Variants in ITGA6 observed in about 807,000 individuals in gnomAD.
The protein encoded by ITGA6 is integrin subunit alpha 6, also known as integrin alpha-6.
In ITGA6, 63 loss-of-function variants were observed where a neutral mutation model predicts 133.6. The ratio of observed to expected loss-of-function variants is 0.47; its 90% CI spans 0.38 to 0.58. ITGA6 has a LOEUF of 0.58. ITGA6 is among the 20% of genes least tolerant of loss of function. ITGA6 has a pLI of 0.00. For missense variants in ITGA6, 1,068 were observed against 1,309.4 expected (o/e 0.82, Z 2.85); for synonymous variants, 434 against 482.0 (o/e 0.90, Z 1.30).
intron 1 of ITGA6, among the ~76,000 whole-genome samples, chr2:172,432,756 G>A (rs1463192243): frequency 6.6e-6 from 1 of 152,162 alleles, no homozygotes; most frequent in Non-Finnish European, 1.5e-5. Flanking sequence ...CAGAAATACA[G>A]GCTGACCTAC....
In ITGA6 at chr2:172,497,583, T is replaced by C. The variant is rs1264846039; in HGVS notation, c.2989-392T>C. ...TAGAACAGACTGGCTGTTAGATCTA[T>C]TTAACTGGGTATCTTTTTGAGAGCA... On this transcript the variant is annotated intron_variant, in intron 23 of 25. Transcript: ENST00000684293. Among the ~76,000 whole-genome samples the C allele has an allele frequency of 2.6e-5, 4 of 152,228 alleles. No homozygotes were observed. The South Asian group carries it at 8.3e-4, about 32-fold the overall frequency.
chr2:172,432,930 C>T (rs1024893504), intron 1 of ITGA6, among the ~76,000 whole-genome samples: 1 of 152,128 alleles, frequency 6.6e-6, no homozygotes, highest in South Asian at 2.1e-4. Flanking sequence ...GAATTGATAG[C>T]GGCAGGTTTA....
rs1046195515 is a variant in ITGA6 at position 172,506,082 on chromosome 2, T to G, written c.*2014T>G. ...GTCATCTCAAGTCAAGTCACTGGTC[T>G]GTTTGCATTTGATACATTTTTGTAC... On this transcript the variant is annotated 3_prime_UTR_variant, in exon 26 of 26. Coordinates refer to ENST00000684293, the MANE Select transcript of ITGA6 (RefSeq NM_000210.4). 3.3e-5 allele frequency: 5 copies of G among 152,688 alleles called. No individual in the cohort carries two copies. The highest frequency in any genetic ancestry group is 1.2e-4 in the African/African-American group (5 of 41,476). The allele number at this position is 152,688 out of a possible 1,614,324, so 9.5% of individuals were successfully genotyped here. A position where few individuals can be genotyped will look rare whatever the true frequency, so the allele number is the denominator to read the frequency against.
chr2:172,443,943 C>A (rs1684645854), intron 1 of ITGA6, among the ~76,000 whole-genome samples: 1 of 151,982 alleles, frequency 6.6e-6, no homozygotes, highest in Non-Finnish European at 1.5e-5. Flanking sequence ...CCTGGCTAAT[C>A]TTTGTATTTT....
intron 5 of ITGA6, among the ~76,000 whole-genome samples, chr2:172,473,377 T>A (rs1392608636): frequency 6.6e-6 from 1 of 152,232 alleles, no homozygotes; most frequent in Non-Finnish European, 1.5e-5. Flanking sequence ...GACAACTTCC[T>A]CACCTCTGTT....
At chr2:172,456,209 G>A (rs1424744000) in intron 1 of ITGA6, among the ~76,000 whole-genome samples, 1 of 152,198 alleles carries the variant, frequency 6.6e-6, no homozygotes, top group African/African-American at 2.4e-5. Context: ...CAAGCTGCGG[G>A]AAAGGAGAGG....
Position 172,469,137 on chromosome 2 carries a change from C to A in ITGA6, c.400C>A (p.Arg134=). 1 of 1,613,932 alleles carries A rather than the reference C, an allele frequency of 6.2e-7. No homozygotes were observed. Among genetic ancestry groups the A allele is most frequent in the Non-Finnish European group, 8.5e-7 (1 of 1,179,964 alleles). Residue 134 remains arginine (R), a synonymous_variant, in exon 4 of 26, where the codon CGA becomes AGA. Transcript: ENST00000684293. ...CATCTGCTTGCAGACATGTGCTCACCGATATGAAAAAAGGCAGCATGTTAA... is the reference window on the plus strand; with the variant it reads ...CATCTGCTTGCAGACATGTGCTCACAGATATGAAAAAAGGCAGCATGTTAA... ...PGGKVVTCAH[R]YEKRQHVNTK... is the part of the protein sequence containing the mutation.
At chr2:172,435,427 C>G (rs7594126) in intron 1 of ITGA6, among the ~76,000 whole-genome samples, 3,635 of 151,878 alleles carry the variant, frequency 0.024, 134 homozygotes, top group African/African-American at 0.082. Flanking sequence ...TATGTATGTC[C>G]CTTTAGAACA....
chr2:172,497,979 G>A lies in ITGA6; in HGVS notation c.2993G>A (p.Arg998Gln), dbSNP rs1373015067. ...GCTTTCTTTTCTGCCCTGTAGGTTCGAGTGACTGTGTTTCCCTCAAAGACT... is the reference window on the plus strand; with the variant it reads ...GCTTTCTTTTCTGCCCTGTAGGTTCAAGTGACTGTGTTTCCCTCAAAGACT... ...IRLPNAGTQV[R>Q]VTVFPSKTVA... Residue 998 changes from arginine (R) to glutamine (Q), a missense_variant, in exon 24 of 26, where the codon CGA becomes CAA. Arg to Gln is a conservative substitution (Grantham distance 43). Coordinates refer to ENST00000684293, the MANE Select transcript of ITGA6 (RefSeq NM_000210.4). The A allele has an allele frequency of 3.7e-6, 6 of 1,613,740 alleles. No homozygotes were observed. The highest frequency in any genetic ancestry group is 2.2e-5 in the East Asian group (1 of 44,862).
chr2:172,472,234 G>A (rs1685974616), intron 5 of ITGA6, among the ~76,000 whole-genome samples: 1 of 152,242 alleles, frequency 6.6e-6, no homozygotes, highest in Admixed American at 6.5e-5. Context: ...TGAGGTAGGA[G>A]AATCATTTGA....
At chr2:172,476,543 A>G in intron 9 of ITGA6, 30 bp downstream of exon 9, 2 of 1,243,648 alleles carry the variant, frequency 1.6e-6, no homozygotes, top group African/African-American at 1.5e-5. Context: ...AGTGTTAAGC[A>G]TGTTCTATAA....
At chr2:172,466,650 A>G (rs1252187212) in intron 2 of ITGA6, among the ~76,000 whole-genome samples, 18 of 152,242 alleles carry the variant, frequency 1.2e-4, no homozygotes, top group Admixed American at 1.2e-3. Context: ...TTCTTTTATT[A>G]GAAACTAATA....
intron 5 of ITGA6, among the ~76,000 whole-genome samples, chr2:172,471,580 A>G (rs764971694): frequency 6.6e-6 from 1 of 152,226 alleles, no homozygotes; most frequent in Non-Finnish European, 1.5e-5. Flanking sequence ...TGGTTCTCCA[A>G]GGATTAGCCC....
In ITGA6 at chr2:172,474,488, A is replaced by T. The variant is rs62167774; in HGVS notation, c.986+223A>T. Among the ~76,000 whole-genome samples the T allele has an allele frequency of 0.28, 42,441 of 150,350 alleles. 7,389 individuals are homozygous for T. The highest frequency in any genetic ancestry group is 0.4 in the Non-Finnish European group (27,123 of 67,136). On this transcript the variant is annotated intron_variant, in intron 6 of 25. Transcript: ENST00000684293. Reference sequence around the variant, plus strand: ...TATTTTTGATTTTCAGTTTTTACTTATATGTTGGGATCATGAGTCTATGAG... The same window carrying T: ...TATTTTTGATTTTCAGTTTTTACTTTTATGTTGGGATCATGAGTCTATGAG...
chr2:172,438,802 C>T (rs1684426327), intron 1 of ITGA6, among the ~76,000 whole-genome samples: 2 of 151,744 alleles, frequency 1.3e-5, no homozygotes, highest in Admixed American at 1.3e-4. Context: ...CTTTGGGGGC[C>T]AGGTCAAAGG....
intron 8 of ITGA6, among the ~76,000 whole-genome samples, 155 bp downstream of exon 8, chr2:172,475,840 T>C (rs964087221): frequency 6.6e-6 from 1 of 152,214 alleles, no homozygotes; most frequent in Non-Finnish European, 1.5e-5. Flanking sequence ...GAAGATACCT[T>C]CAAAATAAAT....
chr2:172,439,875 G>A (rs1413552244), intron 1 of ITGA6, among the ~76,000 whole-genome samples: 2 of 152,100 alleles, frequency 1.3e-5, no homozygotes, highest in Admixed American at 1.3e-4. Flanking sequence ...GCCCATTCTT[G>A]GAGTTAAACT....
intron 7 of ITGA6, among the ~76,000 whole-genome samples, chr2:172,475,382 G>GAACCC (rs1262327063): frequency 6.6e-6 from 1 of 152,098 alleles, no homozygotes; most frequent in African/African-American, 2.4e-5. Flanking sequence ...AGAATTGCTT[G>GAACCC]AACCCGGGAG....
In ITGA6 at chr2:172,475,094, T is replaced by TGGA; in HGVS notation, c.1154_1156dup (p.Gly385dup). ...TGTTTGGCATTGCAGTAAAAAATATTGGAGATATTAATCAAGATGGCTACC... is the reference window on the plus strand; with the variant it reads ...TGTTTGGCATTGCAGTAAAAAATATTGGAGGAGATATTAATCAAGATGGCTACC... On this transcript the variant is annotated inframe_insertion, in exon 7 of 26. Coordinates refer to ENST00000684293, the MANE Select transcript of ITGA6 (RefSeq NM_000210.4). The TGGA allele has an allele frequency of 6.3e-7, 1 of 1,596,014 alleles. No individual in the cohort carries two copies. Among genetic ancestry groups the TGGA allele is most frequent in the Non-Finnish European group, 8.6e-7 (1 of 1,163,440 alleles).
Sources: gnomAD v4.1 joint callset for allele counts (sites outside exome capture counted in the v4.1 genomes callset) on GRCh38, gnomAD v4.1.1 for gene constraint, MANE v1.5 for transcripts, NCBI Gene and HGNC (gene_info 2026-07-23, HGNC 2026-07-21) for gene names.